TRIM24: variants seen among roughly 807,000 people sequenced by gnomAD.
TRIM24 encodes the protein transcription intermediary factor 1-alpha.
Under a neutral mutation model 123.9 loss-of-function variants are expected in TRIM24, and 29 were observed. That is an observed-to-expected ratio of 0.23 (90% CI 0.17 to 0.32). TRIM24 has a LOEUF of 0.32. Ranked by LOEUF, TRIM24 falls within the 10% of genes least tolerant of loss-of-function variation. The probability of loss-of-function intolerance (pLI) is 1.00; values close to 1 mark genes in which losing one functional copy is unlikely to be tolerated. For missense variants in TRIM24, 932 were observed against 1,295.3 expected, an observed-to-expected ratio of 0.72 and a Z score of 4.31; for synonymous variants, 456 against 461.1, an observed-to-expected ratio of 0.99 and a Z score of 0.14.
chr7:138,508,692 T>TGTGTGCGCGCGCGCGCGC (rs1422176564), intron 2 of TRIM24, among the ~76,000 whole-genome samples: 19 of 137,276 alleles, frequency 1.4e-4, no homozygotes, highest in South Asian at 4.9e-4. Flanking sequence ...TGTGTGTGTG[T>TGTGTGCGCGCGCGCGCGC]GCGCGCGCGT....
chr7:138,461,157 C>A (rs768922639), intron 1 of TRIM24: 8 of 709,670 alleles, frequency 1.1e-5, no homozygotes, highest in Non-Finnish European at 1.8e-5. Context: ...CGCCGCTGCT[C>A]CGCATTCTCA....
Position 138,573,529 on chromosome 7 carries a change from T to A in TRIM24, c.1901T>A (p.Met634Lys). ...LPDIDCSSTIMLDNIVRKDTN... is the reference protein window; with the variant it reads ...LPDIDCSSTIKLDNIVRKDTN... ...AAGATTGACTGTTCAAGTACTATTA[T>A]GCTGGACAATATTGTGAGGAAAGAT... is the stretch of plus-strand genomic sequence containing the variant. The change falls in exon 12 of 19, where the codon ATG (methionine) becomes AAG (lysine). Residue 634 changes from methionine (M) to lysine (K), a missense_variant. Met to Lys is a moderately conservative substitution (Grantham distance 95). Transcript: ENST00000343526. 1 of 1,609,958 alleles carries A rather than the reference T, an allele frequency of 6.2e-7. No homozygotes were observed. The highest frequency in any genetic ancestry group is 8.5e-7 in the Non-Finnish European group (1 of 1,178,434).
chr7:138,471,729 T>C (rs1795276821), intron 1 of TRIM24, among the ~76,000 whole-genome samples: 1 of 151,882 alleles, frequency 6.6e-6, no homozygotes, highest in South Asian at 2.1e-4. Context: ...TTAGTAGAGA[T>C]GGGGTTTCGC....
At chr7:138,508,714 TGTGTGC>T (rs1177181577) in intron 2 of TRIM24, among the ~76,000 whole-genome samples, 1 of 90,372 alleles carries the variant, frequency 1.1e-5, no homozygotes, top group Admixed American at 1.0e-4. Context: ...TGTGCGTGTG[TGTGTGC>T]GTGTGTGTGT....
chr7:138,530,145 G>A (rs1308257755), intron 6 of TRIM24, among the ~76,000 whole-genome samples: 2 of 151,764 alleles, frequency 1.3e-5, no homozygotes, highest in Non-Finnish European at 2.9e-5. Flanking sequence ...TTTTGGAAAC[G>A]TAGTTATTTA....
intron 1 of TRIM24, among the ~76,000 whole-genome samples, chr7:138,487,403 C>A (rs1795672778): frequency 6.6e-6 from 1 of 152,170 alleles, no homozygotes; most frequent in Non-Finnish European, 1.5e-5. Flanking sequence ...GAGAGGGCAT[C>A]CCTGTCTTGT....
Position 138,577,519 on chromosome 7 carries a change from A to G in TRIM24, c.2187A>G (p.Pro729=). The G allele has an allele frequency of 6.2e-7, 1 of 1,611,924 alleles. No homozygotes were observed. The highest frequency in any genetic ancestry group is 1.1e-5 in the South Asian group (1 of 90,748). ...PIRIKQENSG[P]PENYDFPVVI... ...GAATAAAACAAGAAAACAGTGGACC[A>G]CCGGAAAATTATGATTTCCCTGTTG... is the stretch of plus-strand genomic sequence containing the variant. Residue 729 remains proline (P), a synonymous_variant, in exon 14 of 19, where the codon CCA becomes CCG. Transcript: ENST00000343526.
intron 6 of TRIM24, among the ~76,000 whole-genome samples, chr7:138,534,246 CT>C (rs1436553227): frequency 6.6e-6 from 1 of 151,910 alleles, no homozygotes; most frequent in Non-Finnish European, 1.5e-5. Flanking sequence ...TATTTCTTGC[CT>C]TCTGCTAGCT....
rs1330560124 is a variant in TRIM24 at position 138,589,038 on chromosome 7, T to C, written c.*4087T>C. ...AAAAAAAAAAATGGTGACCATGCGT[T>C]CAACCATATAATTTCTTACTGAAAT... is the stretch of plus-strand genomic sequence containing the variant. On this transcript the variant is annotated 3_prime_UTR_variant, in exon 19 of 19. Transcript: ENST00000343526. 6.6e-6 allele frequency: 1 copy of C among 152,328 alleles called. No homozygotes were observed. The highest frequency in any genetic ancestry group is 1.5e-5 in the Non-Finnish European group (1 of 68,150). 9.4% of individuals were successfully genotyped at this position (152,328 alleles called of 1,614,324 possible). A position where few individuals can be genotyped will look rare whatever the true frequency, so the allele number is the denominator to read the frequency against.
chr7:138,530,011 T>C (rs1354693379), intron 6 of TRIM24, among the ~76,000 whole-genome samples: 1 of 152,180 alleles, frequency 6.6e-6, no homozygotes, highest in African/African-American at 2.4e-5. Flanking sequence ...GTCATCCTTT[T>C]TATATCATAA....
intron 17 of TRIM24, among the ~76,000 whole-genome samples, chr7:138,582,972 T>G (rs765280393): frequency 6.6e-6 from 1 of 152,220 alleles, no homozygotes; most frequent in Non-Finnish European, 1.5e-5. Context: ...CTTTTTATTA[T>G]CCTGGCTTAC....
rs1336013240 is a variant in TRIM24, at chr7:138,587,885, A to C, written c.*2934A>C. ...TGGATGTAGACCATATTCAACGCAG[A>C]ATACATTTTAGATCGGTATCTGGCA... On this transcript the variant is annotated 3_prime_UTR_variant, in exon 19 of 19. Transcript: ENST00000343526. The C allele has an allele frequency of 6.6e-6, 1 of 152,212 alleles. No individual in the cohort carries two copies. The highest frequency in any genetic ancestry group is 1.9e-4 in the East Asian group (1 of 5,200). The allele number at this position is 152,212 out of a possible 1,614,324, so 9.4% of individuals were successfully genotyped here. A position where few individuals can be genotyped will look rare whatever the true frequency, so the allele number is the denominator to read the frequency against.
At chr7:138,580,801 A>G in intron 16 of TRIM24, 107 bp downstream of exon 16, 1 of 1,046,576 alleles carries the variant, frequency 9.6e-7, no homozygotes, top group East Asian at 2.8e-5. Context: ...GATCCTTTTT[A>G]TTTAAGAGTA....
At position 138,515,753 on chromosome 7, in the gene TRIM24, A is replaced by G. The variant is rs928621598; in HGVS notation, c.631+394A>G. Among the ~76,000 whole-genome samples the G allele has an allele frequency of 2.6e-5, 4 of 152,320 alleles. No individual in the cohort carries two copies. In the East Asian group the frequency reaches 5.8e-4, roughly 22 times the overall value. On this transcript the variant is annotated intron_variant, in intron 3 of 18. Coordinates refer to ENST00000343526, the MANE Select transcript of TRIM24 (RefSeq NM_015905.3). ...ATCATGATATTTGTCTGATATGTGG[A>G]TAGCCAGAGAGGCTTTTTTATGTAA... is the stretch of plus-strand genomic sequence containing the variant.
chr7:138,567,851 G>C (rs1705209158), intron 10 of TRIM24, among the ~76,000 whole-genome samples, 197 bp downstream of exon 10: 1 of 152,104 alleles, frequency 6.6e-6, no homozygotes, highest in Non-Finnish European at 1.5e-5. Flanking sequence ...TAGAAGTGAT[G>C]GCCCAATATA....
intron 1 of TRIM24, among the ~76,000 whole-genome samples, chr7:138,475,123 C>T (rs1411511139): frequency 2.6e-5 from 4 of 152,142 alleles, no homozygotes; most frequent in African/African-American, 9.6e-5. Flanking sequence ...TAAAACTTAA[C>T]CAGGGCATCA....
chr7:138,553,975 A>G (rs1252155840), intron 8 of TRIM24, among the ~76,000 whole-genome samples: 1 of 152,234 alleles, frequency 6.6e-6, no homozygotes, highest in East Asian at 1.9e-4. Context: ...GAGAACCACC[A>G]GCAAGTAGTT....
At chr7:138,508,461 A>G (rs747468365) in intron 2 of TRIM24, among the ~76,000 whole-genome samples, 39 of 152,222 alleles carry the variant, frequency 2.6e-4, no homozygotes, top group Middle Eastern at 3.4e-3. Flanking sequence ...TTTGAAAAAT[A>G]GTGACATTTT....
At chr7:138,532,535 C>G (rs1212529066) in intron 6 of TRIM24, among the ~76,000 whole-genome samples, 1 of 148,938 alleles carries the variant, frequency 6.7e-6, no homozygotes, top group African/African-American at 2.4e-5. Flanking sequence ...TAGATGTGTG[C>G]TATTTCTGAG....
Sources: gnomAD v4.1 joint callset for allele counts (sites outside exome capture counted in the v4.1 genomes callset) on GRCh38, gnomAD v4.1.1 for gene constraint, MANE v1.5 for transcripts, NCBI Gene and HGNC (gene_info 2026-07-23, HGNC 2026-07-21) for gene names.